SNX2: variants seen among roughly 807,000 people sequenced by gnomAD.
SNX2 encodes sorting nexin 2, also known as sorting nexin-2.
Under a neutral mutation model 69.9 loss-of-function variants are expected in SNX2, and 25 were observed. The ratio of observed to expected loss-of-function variants is 0.36; its 90% CI spans 0.26 to 0.50. SNX2 has a LOEUF of 0.50. Among genes scored for constraint, SNX2 ranks in the 20% least tolerant of loss-of-function variants. The pLI is 0.97. For missense variants in SNX2, 551 were observed against 613.3 expected, an observed-to-expected ratio of 0.90 and a Z score of 1.07; for synonymous variants, 229 against 200.4, an observed-to-expected ratio of 1.14 and a Z score of -1.20.
At chr5:122,786,069 G>T (rs761986569) in intron 1 of SNX2, among the ~76,000 whole-genome samples, 2 of 152,098 alleles carry the variant, frequency 1.3e-5, no homozygotes, top group Non-Finnish European at 2.9e-5. Flanking sequence ...AGATGCTTAG[G>T]ATTGTTTTGT....
At chr5:122,790,313 G>T (rs1219271758) in intron 1 of SNX2, among the ~76,000 whole-genome samples, 2 of 152,060 alleles carry the variant, frequency 1.3e-5, no homozygotes, top group Admixed American at 1.3e-4. Flanking sequence ...TAGAGACGGG[G>T]TTTCTCCATG....
In SNX2 at chr5:122,832,516, A is replaced by G. The variant is rs1316434180; in HGVS notation, c.*2868A>G. ...ATTAATCTCAAAATACCTTTGTTTC[A>G]TTGTTGCTACTCCTTAAACTTTTTT... On this transcript the variant is annotated 3_prime_UTR_variant, in exon 15 of 15. Transcript: ENST00000379516. 1 of 152,066 alleles carries G rather than the reference A, an allele frequency of 6.6e-6. No individual in the cohort carries two copies. Among genetic ancestry groups the G allele is most frequent in the Non-Finnish European group, 1.5e-5 (1 of 68,000 alleles). 9.4% of individuals were successfully genotyped at this position (152,066 alleles called of 1,614,324 possible).
In SNX2 at chr5:122,818,956, C is replaced by G. The variant is rs756262372; in HGVS notation, c.1145C>G (p.Ala382Gly). The G allele has an allele frequency of 2.5e-5, 40 of 1,613,740 alleles. No homozygotes were observed. The highest frequency in any genetic ancestry group is 3.4e-5 in the Non-Finnish European group (40 of 1,179,864). ...ATAGACCAGTTACATCAAGAACAAGCTTTTGCTGACTTTTATATGTTTTCA... is the reference window on the plus strand; with the variant it reads ...ATAGACCAGTTACATCAAGAACAAGGTTTTGCTGACTTTTATATGTTTTCA... ...EKIDQLHQEQ[A>G]FADFYMFSEL... Residue 382 changes from alanine (A) to glycine (G), a missense_variant, in exon 11 of 15, where the codon GCT becomes GGT. Around this residue, in one of 2 missense-constraint regions of SNX2, gnomAD observed 360 missense variants for 450.4 expected, o/e 0.80. Coordinates refer to ENST00000379516, the MANE Select transcript of SNX2 (RefSeq NM_003100.4).
intron 9 of SNX2, 46 bp downstream of exon 9, chr5:122,817,074 C>T (rs759387641): frequency 7.4e-7 from 1 of 1,352,458 alleles, no homozygotes. Flanking sequence ...AATTAATGAG[C>T]CCAACAATTG....
At chr5:122,796,954 G>T (rs529201509) in intron 2 of SNX2, among the ~76,000 whole-genome samples, 1 of 152,210 alleles carries the variant, frequency 6.6e-6, no homozygotes, top group African/African-American at 2.4e-5. Context: ...TTTTAGACAG[G>T]TCTCACTCTG....
chr5:122,785,976 A>G (rs1377814983), intron 1 of SNX2, among the ~76,000 whole-genome samples: 2 of 152,200 alleles, frequency 1.3e-5, no homozygotes, highest in East Asian at 1.9e-4. Flanking sequence ...AGTCTCCAAG[A>G]TAATTGTATA....
At chr5:122,796,823 T>C (rs1336933242) in intron 2 of SNX2, among the ~76,000 whole-genome samples, 2 of 152,162 alleles carry the variant, frequency 1.3e-5, no homozygotes, top group Non-Finnish European at 2.9e-5. Context: ...TGTGTGTTTG[T>C]GTACATGCAA....
intron 1 of SNX2, among the ~76,000 whole-genome samples, chr5:122,790,923 A>G (rs932909950): frequency 6.6e-6 from 1 of 152,190 alleles, no homozygotes; most frequent in African/African-American, 2.4e-5. Flanking sequence ...AAAAGGGGAC[A>G]ACCTTGTCTT....
At chr5:122,818,165 G>A (rs1753943806) in intron 10 of SNX2, among the ~76,000 whole-genome samples, 1 of 152,078 alleles carries the variant, frequency 6.6e-6, no homozygotes, top group South Asian at 2.1e-4. Flanking sequence ...ATAATGTAGA[G>A]CAACGGAGCA....
In SNX2 at chr5:122,834,286, A is replaced by G. The variant is rs1754360541; in HGVS notation, c.*4638A>G. On this transcript the variant is annotated 3_prime_UTR_variant, in exon 15 of 15. Transcript: ENST00000379516. Reference sequence around the variant, plus strand: ...TTTTTTAATGCACATGAAGTAATTTAAAATGCTCTTCTTCCTTTCTTGTCA... The same window carrying G: ...TTTTTTAATGCACATGAAGTAATTTGAAATGCTCTTCTTCCTTTCTTGTCA... 6.6e-6 allele frequency: 1 copy of G among 152,212 alleles called. No individual in the cohort carries two copies. Among genetic ancestry groups the G allele is most frequent in the East Asian group, 1.9e-4 (1 of 5,202 alleles). The allele number at this position is 152,212 out of a possible 1,614,324, so 9.4% of individuals were successfully genotyped here. A position where few individuals can be genotyped will look rare whatever the true frequency, so the allele number is the denominator to read the frequency against.
rs1053884991 is a variant in SNX2, at chr5:122,834,063, T to G, written c.*4415T>G. The G allele has an allele frequency of 5.3e-5, 8 of 152,352 alleles. No individual in the cohort carries two copies. The highest frequency in any genetic ancestry group is 4.6e-4 in the Admixed American group (7 of 15,302). The allele number at this position is 152,352 out of a possible 1,614,324, so 9.4% of individuals were successfully genotyped here. A position where few individuals can be genotyped will look rare whatever the true frequency, so the allele number is the denominator to read the frequency against. ...CTTAAATCATGATTGAACTGATTAT[T>G]CCTGTTAAATTTATGTGTGAACCAT... On this transcript the variant is annotated 3_prime_UTR_variant, in exon 15 of 15. Transcript: ENST00000379516.
At chr5:122,802,316 A>C (rs1753534697) in intron 5 of SNX2, among the ~76,000 whole-genome samples, 192 bp downstream of exon 5, 1 of 152,104 alleles carries the variant, frequency 6.6e-6, no homozygotes. Context: ...GCAGGATGGG[A>C]CCTGATTTAG....
At chr5:122,780,115 G>A (rs1376060011) in intron 1 of SNX2, among the ~76,000 whole-genome samples, 15 of 152,204 alleles carry the variant, frequency 9.9e-5, no homozygotes, top group Non-Finnish European at 2.1e-4. Context: ...TGTTATATCA[G>A]TGAAGATAGC....
At position 122,799,765 on chromosome 5, in the gene SNX2, C is replaced by T. The variant is rs1753468102; in HGVS notation, c.300C>T (p.Val100=). 2 of 1,613,578 alleles carry T rather than the reference C, an allele frequency of 1.2e-6. No homozygotes were observed. The highest frequency in any genetic ancestry group is 1.7e-6 in the Non-Finnish European group (2 of 1,179,660). Reference sequence around the variant, plus strand: ...TATCCTCGGAACCTTCTCCTGCAGTCACACCTGTCACTCCTACTACACTCA... The same window carrying T: ...TATCCTCGGAACCTTCTCCTGCAGTTACACCTGTCACTCCTACTACACTCA... ...PILSSEPSPA[V]TPVTPTTLIA... is the part of the protein sequence containing the mutation. Residue 100 remains valine, a synonymous_variant, in exon 3 of 15, where the codon GTC becomes GTT. Transcript: ENST00000379516.
intron 11 of SNX2, among the ~76,000 whole-genome samples, chr5:122,824,385 T>C (rs1043300383): frequency 6.6e-6 from 1 of 152,082 alleles, no homozygotes; most frequent in Non-Finnish European, 1.5e-5. Context: ...TTTTTCTGAA[T>C]CTATTTGTGT....
chr5:122,784,498 A>G (rs997493644), intron 1 of SNX2, among the ~76,000 whole-genome samples: 2 of 151,770 alleles, frequency 1.3e-5, no homozygotes, highest in Non-Finnish European at 2.9e-5. Context: ...AAGTTAGATT[A>G]TATTGATTTT....
At chr5:122,814,408 G>A (rs2150013460) in intron 7 of SNX2, among the ~76,000 whole-genome samples, 1 of 152,298 alleles carries the variant, frequency 6.6e-6, no homozygotes, top group Middle Eastern at 3.4e-3. Context: ...GAAGATACCT[G>A]TTAAATGCTC....
chr5:122,821,759 G>T (rs766048046), intron 11 of SNX2, among the ~76,000 whole-genome samples: 1 of 151,952 alleles, frequency 6.6e-6, no homozygotes. Flanking sequence ...CTGGCCGGTA[G>T]ATGTCTTTTT....
Position 122,834,197 on chromosome 5 carries a change from C to A in SNX2, c.*4549C>A, listed in dbSNP as rs1487024922. The stretch of plus-strand genomic sequence containing the variant: ...TTGGGATACAGAGAACTTATTTCTT[C>A]CAACTGTTGCTTCAGACGCTGATAA... On this transcript the variant is annotated 3_prime_UTR_variant, in exon 15 of 15. Coordinates refer to ENST00000379516, the MANE Select transcript of SNX2 (RefSeq NM_003100.4). 1 of 152,160 alleles carries A rather than the reference C, an allele frequency of 6.6e-6. No homozygotes were observed. The allele number at this position is 152,160 out of a possible 1,614,324, so 9.4% of individuals were successfully genotyped here.
Sources: gnomAD v4.1 joint callset for allele counts (sites outside exome capture counted in the v4.1 genomes callset) on GRCh38, gnomAD v4.1.1 for gene constraint, gnomAD v4.1.1 regional missense constraint, MANE v1.5 for transcripts, NCBI Gene and HGNC (gene_info 2026-07-23, HGNC 2026-07-21) for gene names.